PRELID2: variants seen among roughly 807,000 people sequenced by gnomAD.
PRELID2 encodes PRELI domain-containing protein 2.
A neutral mutation model predicts 28.4 loss-of-function variants in PRELID2; 25 were observed. The ratio of observed to expected loss-of-function variants is 0.88; its 90% CI spans 0.64 to 1.23. PRELID2 has a LOEUF of 1.23. Among genes scored for constraint, PRELID2 ranks in the 50% most tolerant of loss-of-function variants. The pLI is 0.00. For synonymous variants in PRELID2, 76 were observed against 71.6 expected, an observed-to-expected ratio of 1.06 and a Z score of -0.31; for missense variants, 201 against 214.4, an observed-to-expected ratio of 0.94 and a Z score of 0.39.
chr5:145,787,783 C>G (rs118078320), intron 5 of PRELID2, among the ~76,000 whole-genome samples: 1 of 152,112 alleles, frequency 6.6e-6, no homozygotes, highest in African/African-American at 2.4e-5. Context: ...TCAAGTGATC[C>G]TCCCACTTCA....
intron 4 of PRELID2, among the ~76,000 whole-genome samples, chr5:145,806,724 G>T (rs1753537684): frequency 6.6e-6 from 1 of 152,108 alleles, no homozygotes; most frequent in Non-Finnish European, 1.5e-5. Context: ...TTGGATCATG[G>T]GAGTGGTTTC....
chr5:145,801,453 T>A (rs942468401), intron 4 of PRELID2, among the ~76,000 whole-genome samples: 1 of 152,180 alleles, frequency 6.6e-6, no homozygotes, highest in African/African-American at 2.4e-5. Flanking sequence ...TTCACCTGTC[T>A]TTCATCTCTG....
intron 1 of PRELID2, among the ~76,000 whole-genome samples, chr5:145,525,104 A>G (rs1162386692): frequency 2.0e-5 from 3 of 152,206 alleles, no homozygotes; most frequent in Non-Finnish European, 4.4e-5. Context: ...ATCTCATTCA[A>G]CCTTCACAGT....
the PRELID2 span, among the ~76,000 whole-genome samples, chr5:145,323,768 T>C: frequency 3.3e-5 from 5 of 152,204 alleles, no homozygotes; most frequent in African/African-American, 7.2e-5. Flanking sequence ...TCCAGCTCCA[T>C]CCATGTTGCT....
the PRELID2 span, among the ~76,000 whole-genome samples, chr5:145,373,903 T>TATATAATATATATGATATTATATATTATA: frequency 1.5e-5 from 2 of 130,816 alleles, 1 homozygote; most frequent in Non-Finnish European, 3.1e-5. Context: ...TATTACAACA[T>TATATAATATATATGATATTATATATTATA]ATATAATATA....
chr5:145,229,339 TC>T, the PRELID2 span: 1 of 742,344 alleles, frequency 1.3e-6, no homozygotes. Context: ...TCCTGGTCAC[TC>T]CCAAGAACCT....
At chr5:145,499,077 A>G (rs1017202133) in intron 1 of PRELID2, among the ~76,000 whole-genome samples, 11 of 152,132 alleles carry the variant, frequency 7.2e-5, no homozygotes, top group African/African-American at 2.4e-4. Flanking sequence ...GCAAGACTCC[A>G]TCACTAGGAA....
the PRELID2 span, among the ~76,000 whole-genome samples, chr5:145,331,707 T>G: frequency 2.0e-5 from 3 of 152,082 alleles, no homozygotes. Context: ...CACTGATGGG[T>G]CTTGAGTCTT....
At chr5:145,463,989 A>T in the PRELID2 span, among the ~76,000 whole-genome samples, 1 of 152,180 alleles carries the variant, frequency 6.6e-6, no homozygotes, top group Non-Finnish European at 1.5e-5. Context: ...TTATGGGTAG[A>T]ATTCTACCTT....
the PRELID2 span, among the ~76,000 whole-genome samples, chr5:145,464,021 C>A: frequency 6.6e-6 from 1 of 152,118 alleles, no homozygotes. Context: ...TTACTTTAGG[C>A]TCTGTGGTCC....
the PRELID2 span, among the ~76,000 whole-genome samples, chr5:145,408,833 G>A: frequency 6.6e-6 from 1 of 152,116 alleles, no homozygotes; most frequent in Non-Finnish European, 1.5e-5. Context: ...GATCTTGCTA[G>A]AGAGTTAGAC....
chr5:145,620,822 T>TACAC (rs35013603), intron 1 of PRELID2, among the ~76,000 whole-genome samples: 8 of 149,578 alleles, frequency 5.3e-5, no homozygotes, highest in South Asian at 2.1e-4. Context: ...AAGACCCTGT[T>TACAC]ACACACACAC....
the PRELID2 span, among the ~76,000 whole-genome samples, chr5:145,366,573 T>C: frequency 6.6e-6 from 1 of 151,932 alleles, no homozygotes; most frequent in Non-Finnish European, 1.5e-5. Context: ...TACATCGGGT[T>C]GAAGTAACAG....
the PRELID2 span, among the ~76,000 whole-genome samples, chr5:145,459,598 CAT>C: frequency 1.3e-5 from 2 of 152,002 alleles, no homozygotes; most frequent in Non-Finnish European, 2.9e-5. Flanking sequence ...ATTATTTTAA[CAT>C]ATTTATTTTT....
At chr5:145,246,599 T>A in the PRELID2 span, among the ~76,000 whole-genome samples, 1 of 152,084 alleles carries the variant, frequency 6.6e-6, no homozygotes, top group South Asian at 2.1e-4. Flanking sequence ...AATCTTGTGA[T>A]AAAAGCCTAT....
chr5:145,809,374 C>G (rs578110675), intron 4 of PRELID2, among the ~76,000 whole-genome samples: 7 of 151,988 alleles, frequency 4.6e-5, no homozygotes, highest in Middle Eastern at 3.4e-3. Flanking sequence ...TGCCATGGCC[C>G]AGCTATGCCC....
chr5:145,809,310 G>A (rs369083308), intron 4 of PRELID2, among the ~76,000 whole-genome samples: 79 of 152,324 alleles, frequency 5.2e-4, no homozygotes, highest in African/African-American at 1.6e-3. Context: ...CCAAAGTGCC[G>A]GGATTACAGG....
chr5:145,308,041 A>G, the PRELID2 span, among the ~76,000 whole-genome samples: 1 of 152,192 alleles, frequency 6.6e-6, no homozygotes, highest in Non-Finnish European at 1.5e-5. Flanking sequence ...AGAAGGAATC[A>G]TTTGAAGGGA....
At chr5:145,366,194 T>C in the PRELID2 span, among the ~76,000 whole-genome samples, 1 of 151,840 alleles carries the variant, frequency 6.6e-6, no homozygotes, top group Non-Finnish European at 1.5e-5. Flanking sequence ...GGTGATGTTC[T>C]CCATCCACAA....
Sources: gnomAD v4.1 joint callset for allele counts (sites outside exome capture counted in the v4.1 genomes callset) on GRCh38, gnomAD v4.1.1 for gene constraint, MANE v1.5 for transcripts, NCBI Gene and HGNC (gene_info 2026-07-23, HGNC 2026-07-21) for gene names.